RPTOR: variants seen among roughly 807,000 people sequenced by gnomAD.
RPTOR encodes regulatory associated protein of MTOR complex 1.
In RPTOR, 21 loss-of-function variants were observed where a neutral mutation model predicts 169.9. The ratio of observed to expected loss-of-function variants is 0.12; its 90% CI spans 0.09 to 0.18. The LOEUF (loss-of-function observed/expected upper bound fraction) is 0.18. RPTOR is among the 10% of genes least tolerant of loss of function. The pLI, the probability that RPTOR is intolerant of heterozygous loss-of-function variation, is 1.00. For missense variants in RPTOR, 1,133 were observed against 1,855.9 expected, an observed-to-expected ratio of 0.61 and a Z score of 7.16; for synonymous variants, 732 against 753.2, an observed-to-expected ratio of 0.97 and a Z score of 0.46.
At chr17:80,593,495 G>A (rs2065122478) in intron 1 of RPTOR, 1 of 154,794 alleles carries the variant, frequency 6.5e-6, no homozygotes, top group Non-Finnish European at 1.5e-5. Context: ...AAAAGCTACT[G>A]AAACAGTTTC....
chr17:80,647,506 G>C (rs4889872), intron 3 of RPTOR, among the ~76,000 whole-genome samples: 1 of 152,038 alleles, frequency 6.6e-6, no homozygotes, highest in African/African-American at 2.4e-5. Flanking sequence ...ACAAGCAGGA[G>C]GGGCCTCGCT....
In RPTOR at chr17:80,891,877, C is replaced by T. The variant is rs774421359; in HGVS notation, c.2101+40C>T. ...CCTGTGAACCCGCAGAGCACCTCGCCTGGCGGTTCTAGTGCAGGCCGCGGC... is the reference window on the plus strand; with the variant it reads ...CCTGTGAACCCGCAGAGCACCTCGCTTGGCGGTTCTAGTGCAGGCCGCGGC... On this transcript the variant is annotated intron_variant, in intron 18 of 33. Coordinates refer to ENST00000306801, the MANE Select transcript of RPTOR (RefSeq NM_020761.3). The T allele has an allele frequency of 2.1e-6, 3 of 1,456,100 alleles. No homozygotes were observed. In the African/African-American group the frequency reaches 4.2e-5, roughly 21 times the overall value. 90.2% of individuals were successfully genotyped at this position (1,456,100 alleles called of 1,614,324 possible). A position where few individuals can be genotyped will look rare whatever the true frequency, so the allele number is the denominator to read the frequency against.
intron 4 of RPTOR, among the ~76,000 whole-genome samples, chr17:80,724,412 TTAG>T (rs929296081): frequency 1.3e-5 from 2 of 151,142 alleles, no homozygotes. Flanking sequence ...TATGATCTGA[TTAG>T]TAGGTGCTAA....
rs183303350 is a variant in RPTOR, at chr17:80,680,560, C to T, written c.349-27281C>T. ...AGGAGAATCGCTTGAACCCAGGTGGCAGAGGTTGCAGTGAGCCAAGATTGA... is the reference window on the plus strand; with the variant it reads ...AGGAGAATCGCTTGAACCCAGGTGGTAGAGGTTGCAGTGAGCCAAGATTGA... On this transcript the variant is annotated intron_variant, in intron 3 of 33. Coordinates refer to ENST00000306801, the MANE Select transcript of RPTOR (RefSeq NM_020761.3). Among the ~76,000 whole-genome samples the T allele has an allele frequency of 1.3e-3, 194 of 152,234 alleles. 1 individual carries two copies. Among genetic ancestry groups the T allele is most frequent in the African/African-American group, 4.4e-3 (181 of 41,540 alleles).
At chr17:80,782,507 C>T (rs1293715425) in intron 6 of RPTOR, among the ~76,000 whole-genome samples, 1 of 151,986 alleles carries the variant, frequency 6.6e-6, no homozygotes, top group Non-Finnish European at 1.5e-5. Flanking sequence ...TGAAAATAAA[C>T]GGTGTATTTA....
Position 80,966,300 on chromosome 17 carries a change from T to C in RPTOR, c.*1970T>C, listed in dbSNP as rs891959245. 6 of 232,078 alleles carry C rather than the reference T, an allele frequency of 2.6e-5. No individual in the cohort carries two copies. The highest frequency in any genetic ancestry group is 1.1e-4 in the African/African-American group (5 of 45,278). The allele number at this position is 232,078 out of a possible 1,614,324, so 14.4% of individuals were successfully genotyped here. On this transcript the variant is annotated 3_prime_UTR_variant, in exon 34 of 34. Transcript: ENST00000306801. ...ACCAAACGCGAATTGAGACGGACTT[T>C]GACAAAACACGAAATGGTAATGTGA...
intron 1 of RPTOR, among the ~76,000 whole-genome samples, chr17:80,559,070 T>A (rs889933559): frequency 6.6e-6 from 1 of 152,142 alleles, no homozygotes; most frequent in Non-Finnish European, 1.5e-5. Flanking sequence ...AGACTGAAAC[T>A]GTCTCCATTA....
chr17:80,917,447 G>T (rs1337722395), intron 21 of RPTOR, among the ~76,000 whole-genome samples: 1 of 152,084 alleles, frequency 6.6e-6, no homozygotes, highest in Non-Finnish European at 1.5e-5. Flanking sequence ...ACATTGTCAT[G>T]CCAGAATTTT....
chr17:80,813,549 C>G (rs530071761), intron 7 of RPTOR, among the ~76,000 whole-genome samples: 1 of 152,184 alleles, frequency 6.6e-6, no homozygotes, highest in African/African-American at 2.4e-5. Context: ...ACTCCAGCCC[C>G]CACTGTGGAG....
At chr17:80,842,481 C>T (rs928525979) in intron 10 of RPTOR, among the ~76,000 whole-genome samples, 3 of 152,188 alleles carry the variant, frequency 2.0e-5, no homozygotes, top group African/African-American at 4.8e-5. Flanking sequence ...TGCCCATATT[C>T]AGCTTTAACA....
intron 3 of RPTOR, among the ~76,000 whole-genome samples, chr17:80,664,498 C>T (rs1298560243): frequency 6.6e-6 from 1 of 151,914 alleles, no homozygotes; most frequent in African/African-American, 2.4e-5. Flanking sequence ...CTCCTCCTTC[C>T]CCTTTCAGTG....
intron 6 of RPTOR, among the ~76,000 whole-genome samples, chr17:80,781,792 G>A (rs950386070): frequency 1.8e-4 from 28 of 152,354 alleles, no homozygotes; most frequent in African/African-American, 5.8e-4. Flanking sequence ...TTCCAGCAAA[G>A]CCCCTGCACT....
intron 6 of RPTOR, among the ~76,000 whole-genome samples, chr17:80,762,773 G>A (rs1464586492): frequency 3.9e-5 from 6 of 152,214 alleles, no homozygotes; most frequent in Admixed American, 2.6e-4. Flanking sequence ...CAAAGGGATG[G>A]AGCTAGAAGG....
At chr17:80,634,242 T>C (rs1284280464) in intron 2 of RPTOR, among the ~76,000 whole-genome samples, 1 of 131,312 alleles carries the variant, frequency 7.6e-6, no homozygotes, top group African/African-American at 3.0e-5. Flanking sequence ...TGTGTGTGCG[T>C]GCATACTGTA....
At chr17:80,630,911 G>A (rs149218179) in intron 2 of RPTOR, among the ~76,000 whole-genome samples, 1 of 152,318 alleles carries the variant, frequency 6.6e-6, no homozygotes, top group East Asian at 1.9e-4. Flanking sequence ...GGAGTGGTGG[G>A]AGTTCTCTGT....
chr17:80,868,402 T>A (rs1025929962), intron 13 of RPTOR, among the ~76,000 whole-genome samples: 2 of 152,052 alleles, frequency 1.3e-5, no homozygotes, highest in East Asian at 3.9e-4. Flanking sequence ...ACCAAGTAGA[T>A]GCCAGAAATG....
At position 80,777,668 on chromosome 17, in the gene RPTOR, G is replaced by A. The variant is rs1366758679; in HGVS notation, c.831-13782G>A. On this transcript the variant is annotated intron_variant, in intron 6 of 33. Transcript: ENST00000306801. Reference sequence around the variant, plus strand: ...CTTTTAGTGTCATGTTTAAGAAGCCGTTGCTTAATCCAAGGTTATGAAGTT... The same window carrying A: ...CTTTTAGTGTCATGTTTAAGAAGCCATTGCTTAATCCAAGGTTATGAAGTT... Among the ~76,000 whole-genome samples the A allele has an allele frequency of 3.9e-5, 6 of 152,240 alleles. No homozygotes were observed. The East Asian group carries it at 5.8e-4, about 15-fold the overall frequency.
chr17:80,767,946 C>T (rs2066804111), intron 6 of RPTOR, among the ~76,000 whole-genome samples: 1 of 152,130 alleles, frequency 6.6e-6, no homozygotes, highest in African/African-American at 2.4e-5. Flanking sequence ...TCACTGCAAC[C>T]TCTGACTCCC....
intron 1 of RPTOR, among the ~76,000 whole-genome samples, chr17:80,624,497 T>C (rs574063661): frequency 2.0e-5 from 3 of 152,188 alleles, no homozygotes; most frequent in Non-Finnish European, 4.4e-5. Flanking sequence ...TTCCAAGTAT[T>C]ATGAAATATA....
Sources: gnomAD v4.1 joint callset for allele counts (sites outside exome capture counted in the v4.1 genomes callset) on GRCh38, gnomAD v4.1.1 for gene constraint, MANE v1.5 for transcripts, NCBI Gene and HGNC (gene_info 2026-07-23, HGNC 2026-07-21) for gene names.